The following CBLN2 variants were observed in gnomAD, a reference collection of about 807,000 sequenced individuals.
The protein encoded by CBLN2 is cerebellin-2.
In CBLN2, 7 loss-of-function variants were observed where a neutral mutation model predicts 15.0. The observed-to-expected ratio is 0.47, with a 90% CI of 0.27 to 0.88. The LOEUF (loss-of-function observed/expected upper bound fraction) is 0.88, where lower values mean the gene tolerates loss of function less well. CBLN2 is among the 40% of genes least tolerant of loss of function. The probability of loss-of-function intolerance (pLI) is 0.14; values close to 1 mark genes in which losing one functional copy is unlikely to be tolerated. For synonymous variants in CBLN2, 149 were observed against 135.2 expected, an observed-to-expected ratio of 1.10 and a Z score of -0.71; for missense variants, 242 against 304.5, an observed-to-expected ratio of 0.79 and a Z score of 1.53.
chr18:72,617,958 A>T (rs558344724), intron 1 of CBLN2, among the ~76,000 whole-genome samples: 1 of 152,314 alleles, frequency 6.6e-6, no homozygotes, highest in Non-Finnish European at 1.5e-5. Context: ...TAGGAAAAAA[A>T]ATTAAATGGA....
At chr18:72,606,659 A>T (rs1230232544) in intron 1 of CBLN2, among the ~76,000 whole-genome samples, 1 of 152,228 alleles carries the variant, frequency 6.6e-6, no homozygotes, top group African/African-American at 2.4e-5. Context: ...AGCATAGAAG[A>T]GGCTTAGCTG....
intron 1 of CBLN2, among the ~76,000 whole-genome samples, chr18:72,565,244 T>C (rs982119691): frequency 2.0e-5 from 3 of 152,176 alleles, no homozygotes; most frequent in Non-Finnish European, 4.4e-5. Context: ...CACAATAGTC[T>C]ATTACTGTCA....
intron 3 of CBLN2, 158 bp from the exon 4 acceptor site, chr18:72,538,930 T>A: frequency 1.2e-6 from 1 of 820,388 alleles, no homozygotes; most frequent in Non-Finnish European, 1.9e-6. Flanking sequence ...AAGGAGGCAG[T>A]GCTGAAGTTA....
chr18:72,610,647 C>A (rs919106766), intron 1 of CBLN2, among the ~76,000 whole-genome samples: 2 of 152,164 alleles, frequency 1.3e-5, no homozygotes, highest in Non-Finnish European at 2.9e-5. Context: ...ATGTAGAAAT[C>A]AATAAGGAGC....
At chr18:72,573,832 C>T (rs759475388) in intron 1 of CBLN2, among the ~76,000 whole-genome samples, 4 of 152,156 alleles carry the variant, frequency 2.6e-5, no homozygotes, top group Admixed American at 6.5e-5. Context: ...TCGCATCTTA[C>T]GGTAAGTAGT....
chr18:72,567,352 A>C (rs1034280514), intron 1 of CBLN2, among the ~76,000 whole-genome samples: 1 of 152,194 alleles, frequency 6.6e-6, no homozygotes, highest in Non-Finnish European at 1.5e-5. Context: ...TGAAAGTCCA[A>C]AGCTCTTCCT....
chr18:72,575,326 G>A (rs1029295219), intron 1 of CBLN2, among the ~76,000 whole-genome samples: 1 of 152,136 alleles, frequency 6.6e-6, no homozygotes, highest in African/African-American at 2.4e-5. Flanking sequence ...TGAGGATAGG[G>A]TGTTGGAAGG....
intron 1 of CBLN2, among the ~76,000 whole-genome samples, chr18:72,635,868 AC>A (rs921962517): frequency 4.6e-4 from 70 of 152,180 alleles, no homozygotes; most frequent in African/African-American, 1.6e-3. Flanking sequence ...ATCTTCATGC[AC>A]ATCAATGGGG....
At chr18:72,582,802 T>A (rs1458693016) in intron 1 of CBLN2, among the ~76,000 whole-genome samples, 1 of 152,204 alleles carries the variant, frequency 6.6e-6, no homozygotes, top group Non-Finnish European at 1.5e-5. Flanking sequence ...AGTGGAAACA[T>A]GAGACCTAGA....
intron 1 of CBLN2, among the ~76,000 whole-genome samples, chr18:72,555,028 G>T (rs1442706480): frequency 1.3e-5 from 2 of 152,008 alleles, no homozygotes; most frequent in African/African-American, 4.8e-5. Flanking sequence ...CCAGCTACTT[G>T]GGAGGCTGAG....
intron 1 of CBLN2, among the ~76,000 whole-genome samples, chr18:72,614,055 T>C (rs1361107411): frequency 6.6e-6 from 1 of 152,190 alleles, no homozygotes; most frequent in Non-Finnish European, 1.5e-5. Context: ...TTTTCTCTGT[T>C]ACATAATTTT....
chr18:72,573,803 A>T (rs180985652), intron 1 of CBLN2, among the ~76,000 whole-genome samples: 106 of 152,328 alleles, frequency 7.0e-4, no homozygotes, highest in African/African-American at 2.5e-3. Context: ...ATTTGGGTAA[A>T]TACAGGTGGG....
intron 1 of CBLN2, among the ~76,000 whole-genome samples, chr18:72,620,040 G>A (rs114426653): frequency 8.9e-4 from 136 of 152,326 alleles, no homozygotes; most frequent in African/African-American, 3.2e-3. Context: ...TCTGCTTTTG[G>A]GCACCAGCAG....
At chr18:72,635,596 C>A (rs1344848568) in intron 1 of CBLN2, among the ~76,000 whole-genome samples, 1 of 151,892 alleles carries the variant, frequency 6.6e-6, no homozygotes, top group Non-Finnish European at 1.5e-5. Flanking sequence ...AAAACATTAA[C>A]CTTTTAAGAA....
At chr18:72,626,526 C>T (rs1023747139) in intron 1 of CBLN2, among the ~76,000 whole-genome samples, 3 of 151,954 alleles carry the variant, frequency 2.0e-5, no homozygotes, top group African/African-American at 7.2e-5. Context: ...ATGGTAAAAC[C>T]CCGTCTCTAC....
intron 1 of CBLN2, among the ~76,000 whole-genome samples, chr18:72,565,169 G>C (rs1324742880): frequency 6.6e-6 from 1 of 152,118 alleles, no homozygotes; most frequent in Non-Finnish European, 1.5e-5. Context: ...AAGGATGGTA[G>C]TTACTATCCT....
upstream of CBLN2, among the ~76,000 whole-genome samples, chr18:72,545,822 CT>C: frequency 6.6e-6 from 1 of 152,346 alleles, no homozygotes. Context: ...TACTCAGCAT[CT>C]TTCCTCAATA....
intron 1 of CBLN2, among the ~76,000 whole-genome samples, chr18:72,600,275 G>A (rs757945540): frequency 4.6e-5 from 7 of 152,128 alleles, no homozygotes; most frequent in Admixed American, 3.3e-4. Context: ...GGGGTGTGTC[G>A]AGTAGGTTTT....
intron 1 of CBLN2, among the ~76,000 whole-genome samples, chr18:72,564,754 A>C (rs1321585715): frequency 6.6e-6 from 1 of 152,162 alleles, no homozygotes; most frequent in Non-Finnish European, 1.5e-5. Flanking sequence ...ATAGCTAAAA[A>C]CTTCCCAAGT....
Sources: gnomAD v4.1 joint callset for allele counts (sites outside exome capture counted in the v4.1 genomes callset) on GRCh38, gnomAD v4.1.1 for gene constraint, MANE v1.5 for transcripts, NCBI Gene and HGNC (gene_info 2026-07-23, HGNC 2026-07-21) for gene names.